The following CACNA1C variants were observed in gnomAD, a reference collection of about 807,000 sequenced individuals.
CACNA1C encodes calcium voltage-gated channel subunit alpha1 C.
Under a neutral mutation model 229.0 loss-of-function variants are expected in CACNA1C, and 30 were observed. The observed-to-expected ratio is 0.13, with a 90% CI of 0.10 to 0.18. CACNA1C has a LOEUF of 0.18. Ranked by LOEUF, CACNA1C falls within the 10% of genes least tolerant of loss-of-function variation. CACNA1C has a pLI of 1.00. For missense variants in CACNA1C, 1,658 were observed against 2,845.0 expected, an observed-to-expected ratio of 0.58 and a Z score of 9.49; for synonymous variants, 1,114 against 1,132.5, an observed-to-expected ratio of 0.98 and a Z score of 0.33.
chr12:2,076,684 C>T (rs983879767), intron 1 of CACNA1C, among the ~76,000 whole-genome samples: 1 of 152,200 alleles, frequency 6.6e-6, no homozygotes, highest in African/African-American at 2.4e-5. Flanking sequence ...TGGCTTTTTT[C>T]CCAAGTTCGA....
rs755579963 is a variant in CACNA1C at position 2,115,386 on chromosome 12, C to T, written c.212C>T (p.Ala71Val). 120 of 1,608,932 alleles carry T rather than the reference C, an allele frequency of 7.5e-5. No individual in the cohort carries two copies. Among genetic ancestry groups the T allele is most frequent in the Non-Finnish European group, 5.8e-5 (68 of 1,178,882 alleles). Residue 71 changes from alanine to valine, a missense_variant, in exon 2 of 47, where the codon GCG becomes GTG. This residue lies in a region of CACNA1C where 111 missense variants were observed against 128.0 expected (regional missense o/e 0.87). Coordinates refer to ENST00000399655, the MANE Select transcript of CACNA1C (RefSeq NM_000719.7). ...AAGCTGATGGGCAGCGCTGGCAATGCGACCATCTCCACAGTCAGCTCCACG... is the reference window on the plus strand; with the variant it reads ...AAGCTGATGGGCAGCGCTGGCAATGTGACCATCTCCACAGTCAGCTCCACG... ...QAKLMGSAGN[A>V]TISTVSSTQR...
chr12:2,610,975 G>C (rs1270257264), intron 28 of CACNA1C, among the ~76,000 whole-genome samples: 1 of 151,920 alleles, frequency 6.6e-6, no homozygotes, highest in Non-Finnish European at 1.5e-5. Flanking sequence ...TCAATGGAGA[G>C]AGGGGAGGAG....
intron 13 of CACNA1C, among the ~76,000 whole-genome samples, chr12:2,572,315 CTCCTCT>C (rs1386029325): frequency 2.1e-5 from 3 of 145,050 alleles, no homozygotes; most frequent in African/African-American, 2.5e-5. Context: ...CCTCCTCCTC[CTCCTCT>C]TCCTCCTCCT....
At chr12:2,466,692 G>A (rs1249087171) in intron 5 of CACNA1C, among the ~76,000 whole-genome samples, 1 of 152,178 alleles carries the variant, frequency 6.6e-6, no homozygotes, top group Admixed American at 6.5e-5. Flanking sequence ...AGAGGACCCA[G>A]CCTCCAGCCC....
At chr12:2,412,546 G>A (rs2098819994) in intron 3 of CACNA1C, among the ~76,000 whole-genome samples, 1 of 152,214 alleles carries the variant, frequency 6.6e-6, no homozygotes, top group Admixed American at 6.5e-5. Flanking sequence ...TTAGGGCTCG[G>A]GAGAAAGCAC....
rs565345380 is a variant in CACNA1C at position 2,282,593 on chromosome 12, G to A, written c.477+162163G>A. Among the ~76,000 whole-genome samples the A allele has an allele frequency of 4.6e-5, 7 of 152,170 alleles. No individual in the cohort carries two copies. In the South Asian group the frequency reaches 1.4e-3, roughly 32 times the overall value. The stretch of plus-strand genomic sequence containing the variant: ...CCACTCCTTCCCTCACAGCTCATGG[G>A]ATCAGAGTCAGCTGTGCCTGCTGAA... On this transcript the variant is annotated intron_variant, in intron 3 of 46. Coordinates refer to ENST00000399655, the MANE Select transcript of CACNA1C (RefSeq NM_000719.7).
chr12:2,255,682 T>A (rs143470101), intron 3 of CACNA1C, among the ~76,000 whole-genome samples: 98 of 152,362 alleles, frequency 6.4e-4, no homozygotes, highest in Middle Eastern at 3.4e-3. Flanking sequence ...AAGGGCAGTG[T>A]TTAGGATAAG....
chr12:2,296,936 A>G (rs2094101682), intron 3 of CACNA1C, among the ~76,000 whole-genome samples: 2 of 152,264 alleles, frequency 1.3e-5, no homozygotes, highest in African/African-American at 2.4e-5. Context: ...ATCACAGATC[A>G]TATACATCCA....
intron 1 of CACNA1C, among the ~76,000 whole-genome samples, chr12:2,079,046 A>G (rs549865245): frequency 2.7e-4 from 41 of 149,810 alleles, no homozygotes; most frequent in Non-Finnish European, 5.3e-4. Context: ...ACCAAACGCC[A>G]CATGTTCTCA....
intron 29 of CACNA1C, among the ~76,000 whole-genome samples, chr12:2,617,339 T>G (rs2081158583): frequency 6.6e-6 from 1 of 152,188 alleles, no homozygotes; most frequent in African/African-American, 2.4e-5. Context: ...GGGCCCAGCC[T>G]TGCCCCGGTC....
chr12:2,688,835 G>GCATGC (rs1354164679), intron 46 of CACNA1C, 56 bp downstream of exon 46: 1 of 1,349,882 alleles, frequency 7.4e-7, no homozygotes, highest in South Asian at 1.5e-5. Flanking sequence ...AGGGGACTTG[G>GCATGC]CATGCGGGGC....
In CACNA1C at chr12:2,512,804, C is replaced by G. The variant is rs1306278750; in HGVS notation, c.1218-8C>G. The G allele has an allele frequency of 1.9e-6, 3 of 1,606,160 alleles. No homozygotes were observed. Among genetic ancestry groups the G allele is most frequent in the Non-Finnish European group, 2.6e-6 (3 of 1,176,228 alleles). ...CTCCTGCCCTGCCCCTCCTCTCACT[C>G]TCACCAGAGAGTTTTCCAAAGAGAG... On this transcript the variant is annotated splice_polypyrimidine_tract_variant and splice_region_variant and intron_variant, in intron 8 of 46. Transcript: ENST00000399655. This position sits in a 1 kb window ranked among gnomAD's most constrained non-coding sequence, Gnocchi z 4.3.
chr12:2,123,330 C>A (rs546329341), intron 3 of CACNA1C, among the ~76,000 whole-genome samples: 2 of 142,518 alleles, frequency 1.4e-5, no homozygotes, highest in Admixed American at 1.5e-4. Flanking sequence ...GAGCCGAGAT[C>A]GCGCCACCGC....
intron 9 of CACNA1C, among the ~76,000 whole-genome samples, chr12:2,538,585 G>C (rs185977132): frequency 6.6e-6 from 1 of 152,188 alleles, no homozygotes; most frequent in African/African-American, 2.4e-5. Context: ...TAAGAGACCA[G>C]AGTTGTACTG....
At chr12:2,672,989 T>TC (rs1408555681) in intron 38 of CACNA1C, among the ~76,000 whole-genome samples, 1 of 152,136 alleles carries the variant, frequency 6.6e-6, no homozygotes, top group Non-Finnish European at 1.5e-5. Context: ...AGCTCGGGAT[T>TC]CCGTCAATCC....
At position 2,601,657 on chromosome 12, in the gene CACNA1C, G is replaced by T. The variant is rs991157646; in HGVS notation, c.2854-197G>T. On this transcript the variant is annotated intron_variant, in intron 21 of 46. Transcript: ENST00000399655. The surrounding 1 kb of genome is among the most constrained non-coding windows in gnomAD (Gnocchi z 5.9). ...GAGCCACCCAGCAGTCCTGGGCTGC[G>T]AGAGTCTTGGGTGGTTGTGTGCATG... is the stretch of plus-strand genomic sequence containing the variant. 6.6e-6 allele frequency among the ~76,000 whole-genome samples: 1 copy of T among 152,200 alleles called. No individual in the cohort carries two copies.
At chr12:2,430,546 G>A (rs1294281068) in intron 3 of CACNA1C, among the ~76,000 whole-genome samples, 3 of 151,700 alleles carry the variant, frequency 2.0e-5, no homozygotes, top group Non-Finnish European at 2.9e-5. Flanking sequence ...CTCCCCACCT[G>A]CCCACCCCTG....
At chr12:2,648,640 G>A (rs779551329) in intron 31 of CACNA1C, 133 bp downstream of exon 31, 66 of 767,138 alleles carry the variant, frequency 8.6e-5, no homozygotes, top group East Asian at 1.8e-4. Flanking sequence ...TGTGTCTGCC[G>A]TGTGCCTTGC....
At chr12:1,980,053 A>G (rs540214260) in intron 1 of CACNA1C, among the ~76,000 whole-genome samples, 1 of 152,338 alleles carries the variant, frequency 6.6e-6, no homozygotes, top group Non-Finnish European at 1.5e-5. Flanking sequence ...ATAACTGTTC[A>G]GCAGTATCTC....
Sources: gnomAD v4.1 joint callset for allele counts (sites outside exome capture counted in the v4.1 genomes callset) on GRCh38, gnomAD v4.1.1 for gene constraint, gnomAD v4.1.1 regional missense constraint, Gnocchi (gnomAD v3.1) non-coding constraint, MANE v1.5 for transcripts, NCBI Gene and HGNC (gene_info 2026-07-23, HGNC 2026-07-21) for gene names.